Variants in COL21A1 observed in about 807,000 individuals in gnomAD.
COL21A1 encodes the protein collagen type XXI alpha 1 chain, also known as collagen alpha-1(XXI) chain.
A neutral mutation model predicts 137.9 loss-of-function variants in COL21A1; 149 were observed. The ratio of observed to expected loss-of-function variants is 1.08; its 90% CI spans 0.95 to 1.24. COL21A1 has a LOEUF of 1.24. Among genes scored for constraint, COL21A1 ranks in the 50% most tolerant of loss-of-function variants. The pLI is 0.00. For synonymous variants in COL21A1, 456 were observed against 391.5 expected (o/e 1.16, Z -1.95); for missense variants, 1,167 against 1,158.4 (o/e 1.01, Z -0.11).
intron 1 of COL21A1, among the ~76,000 whole-genome samples, chr6:56,372,265 C>G (rs901762606): frequency 6.6e-5 from 10 of 152,198 alleles, no homozygotes; most frequent in Non-Finnish European, 4.4e-5. Flanking sequence ...TTCATGCTCT[C>G]ATTAGCTGAG....
chr6:56,069,183 A>G, intron 21 of COL21A1, 66 bp from the exon 22 acceptor site: 2 of 900,576 alleles, frequency 2.2e-6, no homozygotes, highest in South Asian at 3.7e-5. Flanking sequence ...CACTGTTTTT[A>G]TCTCTACATA....
chr6:56,057,711 T>C lies in COL21A1; in HGVS notation c.2820A>G (p.Leu940=), dbSNP rs1267917652. ...CTCTTCTGGCAATTACACTAAAACATAGTGATGGGTCGCAGATGCCTGGGG... is the reference window on the plus strand; with the variant it reads ...CTCTTCTGGCAATTACACTAAAACACAGTGATGGGTCGCAGATGCCTGGGG... ...PGPPGICDPS[L]CFSVIARRDP... The change falls in exon 30 of 30, where the codon CTA becomes CTG. Residue 940 remains leucine (L), a synonymous_variant. Transcript: ENST00000244728. 10 of 1,613,004 alleles carry C rather than the reference T, an allele frequency of 6.2e-6. No homozygotes were observed. The highest frequency in any genetic ancestry group is 8.5e-6 in the Non-Finnish European group (10 of 1,179,548).
Position 56,168,123 on chromosome 6 carries a change from C to T in COL21A1, c.1200+1G>A. The T allele has an allele frequency of 6.7e-7, 1 of 1,501,650 alleles. No homozygotes were observed. The highest frequency in any genetic ancestry group is 9.0e-7 in the Non-Finnish European group (1 of 1,117,174). 93.0% of individuals were successfully genotyped at this position (1,501,650 alleles called of 1,614,324 possible). A position where few individuals can be genotyped will look rare whatever the true frequency, so the allele number is the denominator to read the frequency against. On this transcript the variant is annotated splice_donor_variant, in intron 6 of 29. Coordinates refer to ENST00000244728, the MANE Select transcript of COL21A1 (RefSeq NM_030820.4). LOFTEE classifies it high-confidence loss of function. Reference sequence around the variant, plus strand: ...CAAAGAGTAAATCATTATTTATCTACCTGAACAGTTTCTTCTTTTCCAGAA... The same window carrying T: ...CAAAGAGTAAATCATTATTTATCTATCTGAACAGTTTCTTCTTTTCCAGAA...
chr6:56,224,499 A>T (rs1398527881), intron 1 of COL21A1, among the ~76,000 whole-genome samples: 1 of 152,112 alleles, frequency 6.6e-6, no homozygotes, highest in African/African-American at 2.4e-5. Flanking sequence ...ATACTATTTT[A>T]ATGCTTCTCA....
intron 1 of COL21A1, among the ~76,000 whole-genome samples, chr6:56,186,531 C>T (rs73445357): frequency 0.02 from 2,982 of 152,046 alleles, 95 homozygotes; most frequent in African/African-American, 0.068. Flanking sequence ...AGAAATAAAA[C>T]ATGTAAAGAT....
At chr6:56,355,903 C>T (rs977856113) in intron 1 of COL21A1, among the ~76,000 whole-genome samples, 2 of 152,152 alleles carry the variant, frequency 1.3e-5, no homozygotes, top group African/African-American at 4.8e-5. Context: ...TCATTACTCT[C>T]CTAAACATAT....
chr6:56,176,678 A>C (rs113170247), intron 3 of COL21A1, among the ~76,000 whole-genome samples: 2,486 of 148,918 alleles, frequency 0.017, 76 homozygotes, highest in African/African-American at 0.059. Flanking sequence ...AGAAGGAGGG[A>C]GGGAAGGAAG....
At chr6:56,149,790 C>T (rs561597665) in intron 10 of COL21A1, among the ~76,000 whole-genome samples, 1 of 152,266 alleles carries the variant, frequency 6.6e-6, no homozygotes, top group South Asian at 2.1e-4. Context: ...TCACTCTGAC[C>T]CTAGCTGCCA....
chr6:56,369,224 G>A (rs1453058680), intron 1 of COL21A1, among the ~76,000 whole-genome samples: 2 of 151,878 alleles, frequency 1.3e-5, no homozygotes, highest in African/African-American at 4.8e-5. Context: ...GTAAAAAGTG[G>A]AAGGACTTAC....
chr6:56,284,744 G>A (rs1291499798), intron 1 of COL21A1, among the ~76,000 whole-genome samples: 5 of 128,346 alleles, frequency 3.9e-5, no homozygotes, highest in Middle Eastern at 4.4e-3. Flanking sequence ...GAACTTCATC[G>A]ACCTACCCAT....
chr6:56,117,285 G>A (rs1017667094), intron 16 of COL21A1, among the ~76,000 whole-genome samples: 2 of 151,874 alleles, frequency 1.3e-5, no homozygotes, highest in Non-Finnish European at 2.9e-5. Flanking sequence ...AACCAAAAAA[G>A]AACAGGACTA....
At chr6:56,198,726 C>T (rs1321107856) in intron 1 of COL21A1, among the ~76,000 whole-genome samples, 1 of 152,046 alleles carries the variant, frequency 6.6e-6, no homozygotes, top group Admixed American at 6.6e-5. Context: ...AATACTATAT[C>T]ATAGCTCATC....
chr6:56,254,872 A>C (rs952476661), intron 1 of COL21A1, among the ~76,000 whole-genome samples: 1 of 152,212 alleles, frequency 6.6e-6, no homozygotes, highest in Non-Finnish European at 1.5e-5. Context: ...CTTGCTTTAA[A>C]AAAGAAAAAG....
At chr6:56,098,062 AATATATAAATATATATAAATATAAATAT>A (rs1769704266) in intron 17 of COL21A1, among the ~76,000 whole-genome samples, 1 of 494 alleles carries the variant, frequency 2.0e-3, no homozygotes, top group African/African-American at 5.2e-3. Flanking sequence ...AATATATATA[AATATATAAATATATATAAATATAAATAT>A]ATATAAATAT....
intron 17 of COL21A1, among the ~76,000 whole-genome samples, chr6:56,089,324 A>G (rs993756897): frequency 8.5e-5 from 13 of 152,216 alleles, no homozygotes; most frequent in African/African-American, 3.1e-4. Context: ...TCAACTGCAA[A>G]TGGCACTATG....
In COL21A1 at chr6:56,057,806, G is replaced by A. The variant is rs1319021336; in HGVS notation, c.2725C>T (p.Pro909Ser). Residue 909 changes from proline to serine, a missense_variant, in exon 30 of 30, where the codon CCA becomes TCA. Transcript: ENST00000244728. ...TTGCCAGGGAGACCTGGGTCTCCTGGAGGACCTTCTTTGCTTATTCCAGGA... is the reference window on the plus strand; with the variant it reads ...TTGCCAGGGAGACCTGGGTCTCCTGAAGGACCTTCTTTGCTTATTCCAGGA... The part of the protein sequence containing the change: ...GPPGISKEGP[P>S]GDPGLPGKDG... The A allele has an allele frequency of 6.3e-7, 1 of 1,594,054 alleles. No homozygotes were observed. Among genetic ancestry groups the A allele is most frequent in the Non-Finnish European group, 8.5e-7 (1 of 1,171,384 alleles).
At chr6:56,184,829 A>C (rs1778159316) in intron 1 of COL21A1, among the ~76,000 whole-genome samples, 1 of 152,170 alleles carries the variant, frequency 6.6e-6, no homozygotes, top group Admixed American at 6.5e-5. Context: ...AGATAATTGG[A>C]CCAGTTTCAA....
chr6:56,298,329 G>A (rs1764205897), intron 1 of COL21A1, among the ~76,000 whole-genome samples: 1 of 152,110 alleles, frequency 6.6e-6, no homozygotes, highest in South Asian at 2.1e-4. Flanking sequence ...ATGGAATGCA[G>A]TTAAGTCAGG....
chr6:56,208,888 T>C (rs1163263627), intron 1 of COL21A1, among the ~76,000 whole-genome samples: 1 of 152,048 alleles, frequency 6.6e-6, no homozygotes, highest in Non-Finnish European at 1.5e-5. Context: ...ACAACCATCT[T>C]ATCTTTGACA....
Sources: allele counts gnomAD v4.1 joint callset (sites outside exome capture counted in the v4.1 genomes callset), GRCh38; gene constraint gnomAD v4.1.1; transcripts MANE v1.5; gene names NCBI Gene and HGNC (gene_info 2026-07-23, HGNC 2026-07-21).